Variants in TLN2 observed in about 807,000 individuals in gnomAD.
TLN2 encodes the protein talin 2.
A neutral mutation model predicts 294.7 loss-of-function variants in TLN2; 118 were observed. The observed-to-expected ratio is 0.40, with a 90% CI of 0.34 to 0.47. The LOEUF (loss-of-function observed/expected upper bound fraction) is 0.47. Among genes scored for constraint, TLN2 ranks in the 20% least tolerant of loss-of-function variants. The pLI is 0.84. For synonymous variants in TLN2, 1,431 were observed against 1,304.5 expected, an observed-to-expected ratio of 1.10 and a Z score of -2.09; for missense variants, 3,083 against 3,282.2, an observed-to-expected ratio of 0.94 and a Z score of 1.48.
intron 1 of TLN2, among the ~76,000 whole-genome samples, chr15:62,475,131 A>T (rs1425482836): frequency 6.6e-6 from 1 of 152,142 alleles, no homozygotes; most frequent in African/African-American, 2.4e-5. Flanking sequence ...GCTGAAGCTT[A>T]CTCCCTAGAA....
chr15:62,487,206 G>A (rs552325942), intron 1 of TLN2, among the ~76,000 whole-genome samples: 1 of 152,168 alleles, frequency 6.6e-6, no homozygotes, highest in Non-Finnish European at 1.5e-5. Context: ...CTTCTCTTCT[G>A]TCGTTGACTT....
At chr15:62,830,905 G>GTTTTAAAGCATAGAGATGTTGT (rs1445071031) in intron 54 of TLN2, 1 of 152,142 alleles carries the variant, frequency 6.6e-6, no homozygotes, top group Non-Finnish European at 1.5e-5. Context: ...TGCCGTATCT[G>GTTTTAAAGCATAGAGATGTTGT]TTTTAAAGCA....
chr15:62,722,402 G>C lies in TLN2; in HGVS notation c.3041G>C (p.Ser1014Thr). 1 of 1,613,506 alleles carries C rather than the reference G, an allele frequency of 6.2e-7. No homozygotes were observed. Among genetic ancestry groups the C allele is most frequent in the Non-Finnish European group, 8.5e-7 (1 of 1,179,652 alleles). The change falls in exon 26 of 59, where the codon AGT becomes ACT. Residue 1014 changes from serine to threonine, a missense_variant. By Grantham distance (58) the Ser-to-Thr change is moderately conservative. Transcript: ENST00000636159. ...SSAKAAVPTV[S>T]DQAAAMQLSQ... Reference sequence around the variant, plus strand: ...GCCAAAGCCGCAGTGCCCACCGTGAGTGACCAGGCCGCAGCCATGCAGCTG... The same window carrying C: ...GCCAAAGCCGCAGTGCCCACCGTGACTGACCAGGCCGCAGCCATGCAGCTG...
intron 28 of TLN2, among the ~76,000 whole-genome samples, chr15:62,734,737 A>G (rs2133093): frequency 4.1e-4 from 63 of 152,262 alleles, no homozygotes; most frequent in East Asian, 2.9e-3. Flanking sequence ...TACCTTGATT[A>G]GATCGTAGTT....
At chr15:62,450,972 C>CTT (rs1218964894) in intron 1 of TLN2, among the ~76,000 whole-genome samples, 2 of 145,052 alleles carry the variant, frequency 1.4e-5, no homozygotes, top group African/African-American at 5.4e-5. Flanking sequence ...CTGGAGTTCT[C>CTT]TCTCTTTTTT....
chr15:62,658,960 G>A (rs1046296811), intron 9 of TLN2, among the ~76,000 whole-genome samples: 3 of 152,194 alleles, frequency 2.0e-5, no homozygotes, highest in Non-Finnish European at 2.9e-5. Flanking sequence ...AGAGTGACTG[G>A]TGACAAATAG....
At chr15:62,693,033 T>C (rs2058048782) in intron 13 of TLN2, 92 bp downstream of exon 13, 1 of 1,117,706 alleles carries the variant, frequency 8.9e-7, no homozygotes, top group African/African-American at 1.6e-5. Context: ...AAAAATCCTC[T>C]TAAATAATAC....
intron 1 of TLN2, among the ~76,000 whole-genome samples, chr15:62,557,970 G>A (rs2042702084): frequency 6.6e-6 from 1 of 152,162 alleles, no homozygotes. Flanking sequence ...ACGCCTCAGT[G>A]GACTGCAGGG....
In TLN2 at chr15:62,696,175, C is replaced by T. The variant is rs528087903; in HGVS notation, c.1293-1513C>T. Among the ~76,000 whole-genome samples the T allele has an allele frequency of 2.8e-4, 42 of 152,282 alleles. No homozygotes were observed. In the East Asian group the frequency reaches 4.1e-3, roughly 15 times the overall value. On this transcript the variant is annotated intron_variant, in intron 14 of 58. Transcript: ENST00000636159. ...ATGGATGCCTGTTGCTTGGGATCCCCGCGTGGCTATCGAGCCTTGCTCTGG... is the reference window on the plus strand; with the variant it reads ...ATGGATGCCTGTTGCTTGGGATCCCTGCGTGGCTATCGAGCCTTGCTCTGG...
At chr15:62,839,782 G>A (rs549524212) in intron 58 of TLN2, among the ~76,000 whole-genome samples, 14 of 152,280 alleles carry the variant, frequency 9.2e-5, no homozygotes, top group Middle Eastern at 6.8e-3. Context: ...TTCTCCATGC[G>A]CTAATTTCAT....
chr15:62,564,905 CAAA>C (rs60087745), intron 1 of TLN2, among the ~76,000 whole-genome samples: 4,111 of 112,704 alleles, frequency 0.036, 231 homozygotes, highest in African/African-American at 0.13. Flanking sequence ...AACTCCATCT[CAAA>C]AAAAAAAAAA....
chr15:62,466,119 T>C lies in TLN2; in HGVS notation c.-238+75434T>C, dbSNP rs553523161. ...GGGAGGTATGATGAGAGGCAGCGGC[T>C]GCCAGCCTGGAGAGCAGCCGTACTT... On this transcript the variant is annotated intron_variant, in intron 1 of 58. Transcript: ENST00000636159. 2.6e-4 allele frequency among the ~76,000 whole-genome samples: 40 copies of C among 152,304 alleles called. 1 individual carries two copies. In the South Asian group the frequency reaches 7.3e-3, roughly 28 times the overall value.
At chr15:62,778,446 G>A (rs532279970) in intron 43 of TLN2, among the ~76,000 whole-genome samples, 1 of 152,192 alleles carries the variant, frequency 6.6e-6, no homozygotes, top group African/African-American at 2.4e-5. Context: ...AGGTTTCTTG[G>A]TGCAAATTAG....
At chr15:62,812,308 C>T (rs992722953) in intron 52 of TLN2, among the ~76,000 whole-genome samples, 5 of 152,186 alleles carry the variant, frequency 3.3e-5, no homozygotes, top group African/African-American at 1.2e-4. Context: ...TTTTCTCCAG[C>T]ACCTGTGCAG....
In TLN2 at chr15:62,722,412, C is replaced by T. The variant is rs375202053; in HGVS notation, c.3051C>T (p.Ala1017=). 63 of 1,613,316 alleles carry T rather than the reference C, an allele frequency of 3.9e-5. No homozygotes were observed. The highest frequency in any genetic ancestry group is 1.7e-4 in the Middle Eastern group (1 of 5,832). The part of the protein sequence containing the change: ...KAAVPTVSDQ[A]AAMQLSQCAK... ...CAGTGCCCACCGTGAGTGACCAGGC[C>T]GCAGCCATGCAGCTGAGCCAGTGTG... The change falls in exon 26 of 59, where the codon GCC becomes GCT. Residue 1017 remains alanine, a synonymous_variant. Transcript: ENST00000636159.
chr15:62,611,635 C>G (rs1289177790), intron 2 of TLN2, among the ~76,000 whole-genome samples: 1 of 152,196 alleles, frequency 6.6e-6, no homozygotes, highest in Non-Finnish European at 1.5e-5. Flanking sequence ...TCCTTCCTTC[C>G]TGCAGTAAGC....
intron 2 of TLN2, among the ~76,000 whole-genome samples, chr15:62,591,527 C>G (rs549547638): frequency 3.3e-5 from 5 of 152,330 alleles, no homozygotes; most frequent in African/African-American, 1.2e-4. Context: ...TTTGTGCGAA[C>G]ATCCAGTTTA....
At chr15:62,672,510 T>C (rs2055554644) in intron 9 of TLN2, among the ~76,000 whole-genome samples, 1 of 152,198 alleles carries the variant, frequency 6.6e-6, no homozygotes, top group Non-Finnish European at 1.5e-5. Context: ...CATGAGTTGA[T>C]AACTCTCGAG....
At chr15:62,703,748 C>T (rs1280767978) in intron 19 of TLN2, among the ~76,000 whole-genome samples, 1 of 151,982 alleles carries the variant, frequency 6.6e-6, no homozygotes, top group Non-Finnish European at 1.5e-5. Context: ...TTTTTTGTGA[C>T]CCTTCTTTTT....
Sources: gnomAD v4.1 joint callset for allele counts (sites outside exome capture counted in the v4.1 genomes callset) on GRCh38, gnomAD v4.1.1 for gene constraint, MANE v1.5 for transcripts, NCBI Gene and HGNC (gene_info 2026-07-23, HGNC 2026-07-21) for gene names.